Variants in PTBP3 observed in about 807,000 individuals in gnomAD.
PTBP3 encodes the protein polypyrimidine tract-binding protein 3.
Under a neutral mutation model 58.7 loss-of-function variants are expected in PTBP3, and 20 were observed. The observed-to-expected ratio is 0.34, with a 90% CI of 0.24 to 0.50. The LOEUF is 0.50. Ranked by LOEUF, PTBP3 falls within the 20% of genes least tolerant of loss-of-function variation. The probability of loss-of-function intolerance (pLI) is 0.98; values close to 1 mark genes in which losing one functional copy is unlikely to be tolerated. For synonymous variants in PTBP3, 185 were observed against 219.8 expected (o/e 0.84, Z 1.40); for missense variants, 509 against 637.2 (o/e 0.80, Z 2.17).
At chr9:112,372,823 ATT>A in the PTBP3 span, among the ~76,000 whole-genome samples, 1 of 151,594 alleles carries the variant, frequency 6.6e-6, no homozygotes, top group Non-Finnish European at 1.5e-5. Flanking sequence ...GTTGATAGAC[ATT>A]TGTTTCCACC....
intron 1 of PTBP3, among the ~76,000 whole-genome samples, chr9:112,318,161 C>T (rs1829783148): frequency 6.6e-6 from 1 of 152,034 alleles, no homozygotes; most frequent in Non-Finnish European, 1.5e-5. Context: ...CCGTAAGGAG[C>T]AGCAGTAAGG....
At chr9:112,242,398 G>A (rs929343691) in intron 7 of PTBP3, among the ~76,000 whole-genome samples, 1 of 59,908 alleles carries the variant, frequency 1.7e-5, no homozygotes, top group African/African-American at 1.1e-4. Flanking sequence ...TTCAAGCAGC[G>A]GAGCACTAAA....
rs560669898 is a variant in PTBP3 at position 112,270,656 on chromosome 9, T to C, written c.205-2461A>G. Among the ~76,000 whole-genome samples the C allele has an allele frequency of 2.0e-5, 3 of 152,292 alleles. No individual in the cohort carries two copies. The South Asian group carries it at 6.2e-4, about 32-fold the overall frequency. On this transcript the variant is annotated intron_variant, in intron 3 of 13. Transcript: ENST00000374257. ...CAGCATTATCTTAAGTTACTAAGAA[T>C]TCTCCCCATTCCACACCCTCTCTCT...
intron 1 of PTBP3, among the ~76,000 whole-genome samples, chr9:112,300,583 T>C (rs1358538878): frequency 2.0e-5 from 3 of 151,764 alleles, no homozygotes; most frequent in African/African-American, 7.3e-5. Flanking sequence ...AAACCCCGTC[T>C]CTACTAAAAA....
At chr9:112,376,863 C>A in the PTBP3 span, among the ~76,000 whole-genome samples, 1 of 152,152 alleles carries the variant, frequency 6.6e-6, no homozygotes, top group African/African-American at 2.4e-5. Context: ...CACAGATACA[C>A]CCAAGACCAA....
chr9:112,338,999 G>A, the PTBP3 span, among the ~76,000 whole-genome samples: 3 of 152,116 alleles, frequency 2.0e-5, no homozygotes, highest in East Asian at 1.9e-4. Context: ...TCCTCTCCCT[G>A]TTTTTTGTCA....
At chr9:112,218,119 A>C (rs1028310220), downstream of PTBP3, 22 of 152,236 alleles carry the variant, frequency 1.4e-4, no homozygotes, top group African/African-American at 5.3e-4. Flanking sequence ...AGAAAGAAAA[A>C]GGAGAGTGAG....
chr9:112,223,031 A>C lies in PTBP3; in HGVS notation c.*820T>G, dbSNP rs1356365969. On this transcript the variant is annotated 3_prime_UTR_variant, in exon 14 of 14. Coordinates refer to ENST00000374257, the MANE Select transcript of PTBP3 (RefSeq NM_001163788.4). The stretch of plus-strand genomic sequence containing the variant: ...TTTATAAGTAGGATTATTTTTCTTT[A>C]AAATTTTCCAAGATCATATTACTTG... 1 of 853,308 alleles carries C rather than the reference A, an allele frequency of 1.2e-6. No homozygotes were observed. Among genetic ancestry groups the C allele is most frequent in the Non-Finnish European group, 1.4e-6 (1 of 709,466 alleles). 52.9% of individuals were successfully genotyped at this position (853,308 alleles called of 1,614,324 possible). A position where few individuals can be genotyped will look rare whatever the true frequency, so the allele number is the denominator to read the frequency against.
chr9:112,298,239 G>A (rs936137605), intron 1 of PTBP3, among the ~76,000 whole-genome samples: 14 of 152,108 alleles, frequency 9.2e-5, no homozygotes, highest in African/African-American at 3.4e-4. Context: ...TGTTTTTGTA[G>A]CATATATTTG....
At chr9:112,299,150 A>C (rs1413321728) in intron 1 of PTBP3, among the ~76,000 whole-genome samples, 2 of 152,204 alleles carry the variant, frequency 1.3e-5, no homozygotes, top group East Asian at 3.8e-4. Context: ...CATACACAAC[A>C]TGATTTTTAT....
the PTBP3 span, among the ~76,000 whole-genome samples, chr9:112,375,934 A>G: frequency 6.6e-6 from 1 of 152,098 alleles, no homozygotes; most frequent in East Asian, 1.9e-4. Flanking sequence ...TTGCTCCAAA[A>G]TCCTAGAGGC....
At chr9:112,256,858 T>C (rs1836388374) in intron 5 of PTBP3, among the ~76,000 whole-genome samples, 1 of 4,558 alleles carries the variant, frequency 2.2e-4, no homozygotes, top group Non-Finnish European at 3.2e-4. Context: ...TTTTTAAAGC[T>C]TTCATTTTTT....
intron 5 of PTBP3, among the ~76,000 whole-genome samples, chr9:112,255,482 T>C (rs1836309276): frequency 6.6e-6 from 1 of 152,120 alleles, no homozygotes; most frequent in African/African-American, 2.4e-5. Context: ...AACGTTAGAC[T>C]TTAAAAAAAA....
chr9:112,270,539 C>T (rs1827333658), intron 3 of PTBP3, among the ~76,000 whole-genome samples: 4 of 151,092 alleles, frequency 2.6e-5, no homozygotes, highest in Admixed American at 2.6e-4. Flanking sequence ...TAAAGGTTTC[C>T]CAAGATAAGA....
intron 1 of PTBP3, among the ~76,000 whole-genome samples, chr9:112,314,562 G>A (rs920201236): frequency 4.6e-5 from 7 of 152,112 alleles, no homozygotes; most frequent in Non-Finnish European, 1.0e-4. Context: ...AGAGACAGCG[G>A]TGTGTACCTT....
At chr9:112,331,208 A>G (rs1830361391) in intron 1 of PTBP3, among the ~76,000 whole-genome samples, 1 of 152,060 alleles carries the variant, frequency 6.6e-6, no homozygotes, top group Non-Finnish European at 1.5e-5. Flanking sequence ...TACCCAAATA[A>G]GGAAAAAGGA....
At chr9:112,316,221 C>G (rs949778475) in intron 1 of PTBP3, among the ~76,000 whole-genome samples, 1 of 152,188 alleles carries the variant, frequency 6.6e-6, no homozygotes, top group African/African-American at 2.4e-5. Context: ...GTGTAATTCT[C>G]TCTCCTAAAG....
At chr9:112,252,477 T>C (rs1417088834) in intron 6 of PTBP3, 2 of 547,084 alleles carry the variant, frequency 3.7e-6, no homozygotes, top group Non-Finnish European at 6.4e-6. Flanking sequence ...TGATAGGAGA[T>C]TTGAGACCGT....
chr9:112,244,517 A>T lies in PTBP3; in HGVS notation c.802+6412T>A, dbSNP rs915737133. The stretch of plus-strand genomic sequence containing the variant: ...AGAGGGACCCTACCTCTACAAAAAA[A>T]TTTTTTTTTTAATTAGCAGAGCATG... On this transcript the variant is annotated intron_variant, in intron 7 of 13. Transcript: ENST00000374257. Among the ~76,000 whole-genome samples the T allele has an allele frequency of 2.5e-3, 372 of 149,734 alleles. 3 individuals are homozygous for T. The highest frequency in any genetic ancestry group is 3.0e-3 in the Non-Finnish European group (202 of 67,322).
Sources: gnomAD v4.1 joint callset for allele counts (sites outside exome capture counted in the v4.1 genomes callset) on GRCh38, gnomAD v4.1.1 for gene constraint, MANE v1.5 for transcripts, NCBI Gene and HGNC (gene_info 2026-07-23, HGNC 2026-07-21) for gene names.